COMMD10: variants seen among roughly 807,000 people sequenced by gnomAD.
COMMD10 encodes COMM domain containing 10.
In COMMD10, 33 loss-of-function variants were observed where a neutral mutation model predicts 28.9. That is an observed-to-expected ratio of 1.14 (90% CI 0.87 to 1.53). The LOEUF is 1.53. Among genes scored for constraint, COMMD10 ranks in the 40% most tolerant of loss-of-function variants. The pLI is 0.00. For missense variants in COMMD10, 310 were observed against 233.4 expected, an observed-to-expected ratio of 1.33 and a Z score of -2.14; for synonymous variants, 110 against 81.7, an observed-to-expected ratio of 1.35 and a Z score of -1.87.
At chr5:116,188,509 G>T (rs945269226) in intron 5 of COMMD10, 1 of 151,938 alleles carries the variant, frequency 6.6e-6, no homozygotes, top group South Asian at 2.1e-4. Flanking sequence ...TCTTCCCTTT[G>T]TCTTTCCAAT....
At chr5:116,229,626 A>G (rs1373560232) in intron 5 of COMMD10, among the ~76,000 whole-genome samples, 1 of 152,074 alleles carries the variant, frequency 6.6e-6, no homozygotes, top group African/African-American at 2.4e-5. Flanking sequence ...GTAGTTTATC[A>G]TCTAAATTGG....
chr5:116,189,833 C>T (rs1218937482), intron 5 of COMMD10, among the ~76,000 whole-genome samples: 2 of 152,088 alleles, frequency 1.3e-5, no homozygotes, highest in Admixed American at 1.3e-4. Context: ...AAATGAAAAC[C>T]ACTTAAAGCA....
intron 5 of COMMD10, among the ~76,000 whole-genome samples, chr5:116,209,377 C>T (rs113148909): frequency 0.015 from 2,304 of 152,160 alleles, 64 homozygotes; most frequent in African/African-American, 0.052. Flanking sequence ...GCCAGTTTGG[C>T]GCACCAAATC....
intron 5 of COMMD10, among the ~76,000 whole-genome samples, chr5:116,284,664 T>G (rs1226269475): frequency 6.6e-6 from 1 of 151,896 alleles, no homozygotes; most frequent in East Asian, 1.9e-4. Flanking sequence ...AACCAGGAGT[T>G]TCTACATTTT....
At chr5:116,259,693 G>A (rs1750388807) in intron 5 of COMMD10, among the ~76,000 whole-genome samples, 1 of 151,524 alleles carries the variant, frequency 6.6e-6, no homozygotes, top group Admixed American at 6.6e-5. Context: ...ATAACTGCAG[G>A]GCAAAAGAAG....
intron 5 of COMMD10, among the ~76,000 whole-genome samples, chr5:116,252,476 A>G (rs1385896927): frequency 9.7e-6 from 1 of 103,174 alleles, no homozygotes; most frequent in Non-Finnish European, 2.0e-5. Context: ...TGATTTTTGT[A>G]TAAGGTGTAA....
At chr5:116,089,885 G>T (rs6896479) in intron 2 of COMMD10, among the ~76,000 whole-genome samples, 77,740 of 152,016 alleles carry the variant, frequency 0.51, 22,142 homozygotes, top group Non-Finnish European at 0.65. Flanking sequence ...TTTTGATAAG[G>T]GCTTTTCAGT....
At chr5:116,218,690 C>T (rs1749167461) in intron 5 of COMMD10, among the ~76,000 whole-genome samples, 1 of 152,074 alleles carries the variant, frequency 6.6e-6, no homozygotes, top group Admixed American at 6.5e-5. Flanking sequence ...TCCCAAGAAG[C>T]ATTCTCTTGG....
At chr5:116,215,570 C>G (rs1749071897) in intron 5 of COMMD10, among the ~76,000 whole-genome samples, 1 of 151,418 alleles carries the variant, frequency 6.6e-6, no homozygotes, top group Non-Finnish European at 1.5e-5. Context: ...GCCTGTAGTT[C>G]CAGCTACTCA....
chr5:116,189,433 G>C (rs902632598), intron 5 of COMMD10, among the ~76,000 whole-genome samples: 3 of 152,038 alleles, frequency 2.0e-5, no homozygotes, highest in African/African-American at 4.8e-5. Flanking sequence ...CTTTTTTCCA[G>C]CATGATTTTG....
chr5:116,238,153 C>A (rs1390627757), intron 5 of COMMD10, among the ~76,000 whole-genome samples: 1 of 152,152 alleles, frequency 6.6e-6, no homozygotes, highest in Non-Finnish European at 1.5e-5. Flanking sequence ...AGGCTACTTC[C>A]TGGAAGAAAC....
At chr5:116,107,562 C>G (rs1561604038) in intron 4 of COMMD10, among the ~76,000 whole-genome samples, 1 of 152,054 alleles carries the variant, frequency 6.6e-6, no homozygotes, top group Non-Finnish European at 1.5e-5. Flanking sequence ...TCTGGTTATT[C>G]TAGTTAGCAG....
At chr5:116,244,758 A>C (rs1749899026) in intron 5 of COMMD10, among the ~76,000 whole-genome samples, 1 of 151,892 alleles carries the variant, frequency 6.6e-6, no homozygotes, top group Non-Finnish European at 1.5e-5. Context: ...TTAAGGCAGA[A>C]ATCAAGAAGT....
chr5:116,180,022 C>T (rs10074715), intron 5 of COMMD10, among the ~76,000 whole-genome samples: 61,912 of 151,752 alleles, frequency 0.41, 16,755 homozygotes, highest in African/African-American at 0.78. Flanking sequence ...TTTGTTGTTA[C>T]TCTTGATATT....
chr5:116,195,083 G>A (rs981237181), intron 5 of COMMD10, among the ~76,000 whole-genome samples: 7 of 152,028 alleles, frequency 4.6e-5, no homozygotes, highest in Admixed American at 2.0e-4. Context: ...TATCTCAATC[G>A]ATGCAGAAAA....
intron 5 of COMMD10, among the ~76,000 whole-genome samples, chr5:116,210,388 G>A (rs762523667): frequency 1.1e-4 from 16 of 151,842 alleles, no homozygotes; most frequent in Admixed American, 5.3e-4. Flanking sequence ...GTTTATATGT[G>A]TGTTTATAGA....
chr5:116,204,713 G>C (rs1297780727), intron 5 of COMMD10, among the ~76,000 whole-genome samples: 2 of 152,036 alleles, frequency 1.3e-5, no homozygotes, highest in East Asian at 3.9e-4. Context: ...TAATTAAATT[G>C]CAAAGTTTAA....
intron 4 of COMMD10, among the ~76,000 whole-genome samples, chr5:116,132,613 A>ATAGAAAT (rs763559294): frequency 6.9e-4 from 105 of 152,132 alleles, no homozygotes; most frequent in Non-Finnish European, 1.1e-3. Flanking sequence ...GCAACATTTT[A>ATAGAAAT]CAGGTCTATA....
At chr5:116,112,349 A>G (rs55972926) in intron 4 of COMMD10, among the ~76,000 whole-genome samples, 11,963 of 152,034 alleles carry the variant, frequency 0.079, 914 homozygotes, top group African/African-American at 0.19. Flanking sequence ...CTTTTAGTCT[A>G]TGTGTCTTCA....
Sources: gnomAD v4.1 joint callset for allele counts (sites outside exome capture counted in the v4.1 genomes callset) on GRCh38, gnomAD v4.1.1 for gene constraint, MANE v1.5 for transcripts, NCBI Gene and HGNC (gene_info 2026-07-23, HGNC 2026-07-21) for gene names.